Variants in NPAS3 observed in about 807,000 individuals in gnomAD.
NPAS3 encodes the protein neuronal PAS domain-containing protein 3.
In NPAS3, 14 loss-of-function variants were observed where a neutral mutation model predicts 73.1. The ratio of observed to expected loss-of-function variants is 0.19; its 90% CI spans 0.13 to 0.30. The LOEUF (loss-of-function observed/expected upper bound fraction) is 0.30, where lower values mean the gene tolerates loss of function less well. NPAS3 is among the 10% of genes least tolerant of loss of function. The pLI is 1.00. For synonymous variants in NPAS3, 620 were observed against 541.5 expected (o/e 1.14, Z -2.01); for missense variants, 1,096 against 1,250.0 (o/e 0.88, Z 1.86).
At chr14:33,517,927 G>A (rs1050864089) in intron 4 of NPAS3, among the ~76,000 whole-genome samples, 13 of 151,850 alleles carry the variant, frequency 8.6e-5, no homozygotes, top group Admixed American at 2.6e-4. Flanking sequence ...CCAAATCCTC[G>A]GCTCTCCCCA....
At chr14:33,291,831 C>T (rs533915928) in intron 3 of NPAS3, among the ~76,000 whole-genome samples, 30 of 152,286 alleles carry the variant, frequency 2.0e-4, no homozygotes, top group Admixed American at 7.2e-4. Flanking sequence ...TACGGAATAA[C>T]GGTACTGTCA....
intron 5 of NPAS3, among the ~76,000 whole-genome samples, chr14:33,569,150 G>A (rs963473951): frequency 3.9e-5 from 6 of 152,132 alleles, no homozygotes; most frequent in South Asian, 4.1e-4. Context: ...TCCTCTGGGC[G>A]TCTCCTCCTT....
At chr14:33,460,114 C>G (rs1237918825) in intron 4 of NPAS3, among the ~76,000 whole-genome samples, 1 of 152,310 alleles carries the variant, frequency 6.6e-6, no homozygotes, top group South Asian at 2.1e-4. Flanking sequence ...TACAAGAGTA[C>G]TCGTACACAT....
rs151248577 is a variant in NPAS3, at chr14:33,039,225, C to A, written c.51-16680C>A. On this transcript the variant is annotated intron_variant, in intron 1 of 11. Transcript: ENST00000356141. ...TGCATACATTTTATGCTTTTACATTCATGACTGCTTTTATTGCATTTTAAT... is the reference window on the plus strand; with the variant it reads ...TGCATACATTTTATGCTTTTACATTAATGACTGCTTTTATTGCATTTTAAT... Among the ~76,000 whole-genome samples, 210 of 152,330 alleles carry A rather than the reference C, an allele frequency of 1.4e-3. 2 individuals carry two copies. The highest frequency in any genetic ancestry group is 6.8e-3 in the Middle Eastern group (2 of 294).
At chr14:33,628,325 G>T (rs1396895090) in intron 5 of NPAS3, among the ~76,000 whole-genome samples, 2 of 152,214 alleles carry the variant, frequency 1.3e-5, no homozygotes, top group Non-Finnish European at 2.9e-5. Flanking sequence ...AGGATATTCA[G>T]TTTGTCAGAT....
At chr14:33,686,533 C>T (rs987919636) in intron 6 of NPAS3, among the ~76,000 whole-genome samples, 4 of 152,174 alleles carry the variant, frequency 2.6e-5, no homozygotes, top group African/African-American at 9.7e-5. Flanking sequence ...CTACTCACCA[C>T]GTGTCAGGCA....
chr14:33,432,042 A>G (rs934923847), intron 4 of NPAS3, among the ~76,000 whole-genome samples: 3 of 152,332 alleles, frequency 2.0e-5, no homozygotes, highest in South Asian at 2.1e-4. Context: ...TCTTAAAAAC[A>G]TTAATAGAAA....
intron 4 of NPAS3, among the ~76,000 whole-genome samples, chr14:33,409,565 TTAAG>T (rs541506097): frequency 1.3e-5 from 2 of 152,216 alleles, no homozygotes; most frequent in Non-Finnish European, 2.9e-5. Flanking sequence ...CATAGTATAA[TTAAG>T]TATTTCCCTG....
chr14:32,989,888 A>G (rs1484467682), intron 1 of NPAS3, among the ~76,000 whole-genome samples: 3 of 152,168 alleles, frequency 2.0e-5, no homozygotes, highest in African/African-American at 7.2e-5. Context: ...TATCAGTGTG[A>G]AGCTCTTGCA....
Position 33,597,336 on chromosome 14 carries a change from C to T in NPAS3, c.558+37126C>T, listed in dbSNP as rs968885271. Among the ~76,000 whole-genome samples, 13 of 152,238 alleles carry T rather than the reference C, an allele frequency of 8.5e-5. 1 individual carries two copies. In the South Asian group the frequency reaches 1.2e-3, roughly 15 times the overall value. The stretch of plus-strand genomic sequence containing the variant: ...TAAGCCAGTATGGCTGCTCATTTCA[C>T]GTATTTCAGTTTGCAGTTGAAGCAG... On this transcript the variant is annotated intron_variant, in intron 5 of 11. Coordinates refer to ENST00000356141, the Ensembl canonical transcript of NPAS3.
chr14:33,560,263 C>T, intron 5 of NPAS3, 53 bp downstream of exon 5: 1 of 791,652 alleles, frequency 1.3e-6, no homozygotes. Context: ...CTTCTTCAGC[C>T]TCATGTTTTT....
At chr14:33,652,893 TTTCTCACCCCC>T (rs2059038562) in intron 5 of NPAS3, among the ~76,000 whole-genome samples, 2 of 111,466 alleles carry the variant, frequency 1.8e-5, no homozygotes, top group South Asian at 3.6e-4. Flanking sequence ...TTCACCCCCA[TTTCTCACCCCC>T]GTGACCTTGG....
intron 5 of NPAS3, among the ~76,000 whole-genome samples, chr14:33,629,515 G>A (rs1460233219): frequency 2.0e-5 from 3 of 151,816 alleles, no homozygotes; most frequent in East Asian, 1.9e-4. Flanking sequence ...CTGATGGACT[G>A]AAGAAACTAA....
intron 3 of NPAS3, among the ~76,000 whole-genome samples, chr14:33,318,268 G>C (rs2043289325): frequency 6.6e-6 from 1 of 152,058 alleles, no homozygotes; most frequent in Non-Finnish European, 1.5e-5. Context: ...ATATGATTTT[G>C]TCTGTATAAG....
intron 2 of NPAS3, among the ~76,000 whole-genome samples, chr14:33,202,389 T>G (rs1416448485): frequency 3.3e-5 from 5 of 151,670 alleles, no homozygotes; most frequent in African/African-American, 1.2e-4. Context: ...GGTGACAGAG[T>G]AAGACCCTGT....
intron 4 of NPAS3, among the ~76,000 whole-genome samples, chr14:33,417,543 A>C (rs1157008142): frequency 6.6e-6 from 1 of 152,090 alleles, no homozygotes; most frequent in Non-Finnish European, 1.5e-5. Flanking sequence ...GTTAGAAGAA[A>C]GATATGTTTG....
At chr14:33,196,944 C>T (rs2046377891) in intron 2 of NPAS3, among the ~76,000 whole-genome samples, 1 of 152,000 alleles carries the variant, frequency 6.6e-6, no homozygotes, top group Admixed American at 6.5e-5. Flanking sequence ...GGTATTTTTT[C>T]TTCTCCCTTG....
intron 3 of NPAS3, among the ~76,000 whole-genome samples, chr14:33,354,241 C>G (rs1050994818): frequency 6.6e-6 from 1 of 152,132 alleles, no homozygotes; most frequent in African/African-American, 2.4e-5. Context: ...CCCTTACTCT[C>G]CTTTCTTTCC....
chr14:33,234,117 G>T lies in NPAS3; in HGVS notation c.385+18691G>T, dbSNP rs1013544625. On this transcript the variant is annotated intron_variant, in intron 3 of 11. Transcript: ENST00000356141. ...GAAAGTTATAAAAACCTATTTTTTG[G>T]CTTGCTAGCATTTTTTCTCCAGTTT... 2.6e-5 allele frequency among the ~76,000 whole-genome samples: 4 copies of T among 151,842 alleles called. No individual in the cohort carries two copies. In the East Asian group the frequency reaches 7.7e-4, roughly 29 times the overall value.
Sources: gnomAD v4.1 joint callset for allele counts (sites outside exome capture counted in the v4.1 genomes callset) on GRCh38, gnomAD v4.1.1 for gene constraint, MANE v1.5 for transcripts, NCBI Gene and HGNC (gene_info 2026-07-23, HGNC 2026-07-21) for gene names.